FREM1: variants seen among roughly 807,000 people sequenced by gnomAD.
FREM1 encodes FRAS1-related extracellular matrix protein 1.
In FREM1, 220 loss-of-function variants were observed where a neutral mutation model predicts 210.1. That is an observed-to-expected ratio of 1.05 (90% CI 0.94 to 1.17). The LOEUF (loss-of-function observed/expected upper bound fraction) is 1.17, where lower values mean the gene tolerates loss of function less well. Among genes scored for constraint, FREM1 ranks in the 50% most tolerant of loss-of-function variants. The pLI is 0.00. For missense variants in FREM1, 3,454 were observed against 2,675.5 expected (o/e 1.29, Z -6.42); for synonymous variants, 1,189 against 980.2 (o/e 1.21, Z -3.98).
chr9:14,769,784 TTTACTTCCA>T lies in FREM1; in HGVS notation c.5135_5143del (p.Leu1712_Asn1715delinsTyr). ...GATTTGAAATTCCACGGTATCTGAA[TTTACTTCCA>T]AAGATGGGTTTATGATGTAAAGAAT... is the stretch of plus-strand genomic sequence containing the variant. On this transcript the variant is annotated inframe_deletion, in exon 27 of 37. Coordinates refer to ENST00000380880, the MANE Select transcript of FREM1 (RefSeq NM_001379081.2). 2 of 1,611,332 alleles carry T rather than the reference TTTACTTCCA, an allele frequency of 1.2e-6. No homozygotes were observed. The highest frequency in any genetic ancestry group is 2.2e-5 in the South Asian group (2 of 90,938).
chr9:14,805,167 G>C lies in FREM1; in HGVS notation c.3275-15C>G, dbSNP rs551654111. 2.7e-6 allele frequency: 4 copies of C among 1,460,052 alleles called. No individual in the cohort carries two copies. The highest frequency in any genetic ancestry group is 3.6e-6 in the Non-Finnish European group (4 of 1,098,692). 90.4% of individuals were successfully genotyped at this position (1,460,052 alleles called of 1,614,324 possible). ...CTGAAATGAATCTAGAGCACACCAA[G>C]ATGGAACAGATAAATAAAAAAAAAA... On this transcript the variant is annotated splice_polypyrimidine_tract_variant and intron_variant, in intron 18 of 36. Coordinates refer to ENST00000380880, the MANE Select transcript of FREM1 (RefSeq NM_001379081.2).
intron 27 of FREM1, among the ~76,000 whole-genome samples, chr9:14,760,509 A>G (rs1845296461): frequency 6.6e-6 from 1 of 152,340 alleles, no homozygotes; most frequent in Non-Finnish European, 1.5e-5. Context: ...ATATAACTAA[A>G]TAAACCTGAG....
intron 21 of FREM1, among the ~76,000 whole-genome samples, chr9:14,793,418 G>A (rs1297785047): frequency 2.0e-5 from 3 of 152,188 alleles, no homozygotes; most frequent in Non-Finnish European, 4.4e-5. Context: ...GGTAGTATGT[G>A]TTCTTGTTGT....
rs1564101808 is a variant in FREM1 at position 14,860,800 on chromosome 9, C to CATATACACATATATACGT, written c.330-1317_330-1316insACGTATATATGTGTATAT. Among the ~76,000 whole-genome samples, 32 of 77,136 alleles carry CATATACACATATATACGT rather than the reference C, an allele frequency of 4.1e-4. 1 individual carries two copies. The highest frequency in any genetic ancestry group is 1.6e-3 in the African/African-American group (30 of 18,822). 50.6% of individuals were successfully genotyped at this position (77,136 alleles called of 152,430 possible). A position where few individuals can be genotyped will look rare whatever the true frequency, so the allele number is the denominator to read the frequency against. ...ATATATACATATATACATATATACA[C>CATATACACATATATACGT]ATATATACATATATACACATATATA... On this transcript the variant is annotated intron_variant, in intron 3 of 36. Transcript: ENST00000380880.
In FREM1 at chr9:14,851,365, T is replaced by A; in HGVS notation, c.1071A>T (p.Ser357=). The change falls in exon 6 of 37, where the codon TCA becomes TCT. Residue 357 remains serine, a synonymous_variant. Coordinates refer to ENST00000380880, the MANE Select transcript of FREM1 (RefSeq NM_001379081.2). The part of the protein sequence containing the change: ...HLLDHTRPIS[S]FTWKDLSDMQ... ...TGTCACTGAGATCTTTCCAGGTGAATGAGGAGATTGGTCTGGTGTGATCCA... is the reference window on the plus strand; with the variant it reads ...TGTCACTGAGATCTTTCCAGGTGAAAGAGGAGATTGGTCTGGTGTGATCCA... 6.2e-7 allele frequency: 1 copy of A among 1,613,704 alleles called. No individual in the cohort carries two copies.
intron 1 of FREM1, among the ~76,000 whole-genome samples, chr9:14,871,601 G>T (rs970063990): frequency 1.3e-5 from 2 of 152,060 alleles, no homozygotes; most frequent in South Asian, 4.2e-4. Context: ...CCATTGTATA[G>T]GTTGCCTGTT....
intron 5 of FREM1, 110 bp downstream of exon 5, chr9:14,857,443 C>G: frequency 1.0e-6 from 1 of 970,192 alleles, no homozygotes; most frequent in Non-Finnish European, 1.7e-6. Flanking sequence ...AGTTTTACCC[C>G]CAAAAGCACA....
rs1471124359 is a variant in FREM1, at chr9:14,871,411, G to A, written c.-267-2167C>T. On this transcript the variant is annotated intron_variant, in intron 1 of 36. Transcript: ENST00000380880. ...TGCATTTCTCCGATGGCCAGTGATGGTGAGCATTTTTTCATGTGTTATTTG... is the reference window on the plus strand; with the variant it reads ...TGCATTTCTCCGATGGCCAGTGATGATGAGCATTTTTTCATGTGTTATTTG... 3.9e-5 allele frequency among the ~76,000 whole-genome samples: 6 copies of A among 152,116 alleles called. No individual in the cohort carries two copies. In the South Asian group the frequency reaches 1.2e-3, roughly 32 times the overall value.
At chr9:14,743,369 T>C (rs1224193972) in intron 35 of FREM1, among the ~76,000 whole-genome samples, 3 of 152,070 alleles carry the variant, frequency 2.0e-5, no homozygotes, top group Admixed American at 2.0e-4. Flanking sequence ...GATGGGAGAC[T>C]GATGTAGGTT....
intron 10 of FREM1, among the ~76,000 whole-genome samples, chr9:14,838,067 C>T (rs1483906560): frequency 6.6e-6 from 1 of 152,160 alleles, no homozygotes; most frequent in Non-Finnish European, 1.5e-5. Context: ...GGTGGCTGAG[C>T]TGAAGTTCTA....
At chr9:14,790,843 G>A (rs2291681) in intron 22 of FREM1, 2 of 151,828 alleles carry the variant, frequency 1.3e-5, no homozygotes, top group Non-Finnish European at 2.9e-5. Context: ...ATCCAAAACA[G>A]TTCCGTTCCC....
At chr9:14,859,958 T>C (rs142234901) in intron 3 of FREM1, among the ~76,000 whole-genome samples, 3 of 152,284 alleles carry the variant, frequency 2.0e-5, no homozygotes, top group Admixed American at 6.5e-5. Flanking sequence ...GTGCTTGGCA[T>C]GTAAAAAGCA....
In FREM1 at chr9:14,770,711, G is replaced by A. The variant is rs778501307; in HGVS notation, c.4953C>T (p.Ile1651=). The change falls in exon 26 of 37, where the codon ATC becomes ATT. Residue 1651 remains isoleucine (I), a synonymous_variant. Transcript: ENST00000380880. Reference sequence around the variant, plus strand: ...CTGATGCCTTCAACACGCGGGAAGTGATGTAAATCCCGTAGCAGCCATTTT... The same window carrying A: ...CTGATGCCTTCAACACGCGGGAAGTAATGTAAATCCCGTAGCAGCCATTTT... ...LLKNGCYGIY[I]TSRVLKASDP... The A allele has an allele frequency of 2.5e-5, 40 of 1,613,122 alleles. No individual in the cohort carries two copies. In the East Asian group the frequency reaches 8.9e-4, roughly 36 times the overall value.
In FREM1 at chr9:14,910,330, G is replaced by A. The variant is rs973680731; in HGVS notation, c.-684C>T. On this transcript the variant is annotated 5_prime_UTR_variant, in exon 1 of 37. Transcript: ENST00000380880. The stretch of plus-strand genomic sequence containing the variant: ...CACCGCTAGCCCCGTGCCTTCTGCT[G>A]GTTGGGTCCGCAGGGACAAAACTGA... The A allele has an allele frequency of 2.0e-5, 3 of 152,296 alleles. No individual in the cohort carries two copies. The highest frequency in any genetic ancestry group is 1.3e-4 in the Admixed American group (2 of 15,286). The allele number at this position is 152,296 out of a possible 1,614,324, so 9.4% of individuals were successfully genotyped here. A position where few individuals can be genotyped will look rare whatever the true frequency, so the allele number is the denominator to read the frequency against.
At chr9:14,786,437 A>T (rs1384500587) in intron 23 of FREM1, among the ~76,000 whole-genome samples, 1 of 152,236 alleles carries the variant, frequency 6.6e-6, no homozygotes, top group African/African-American at 2.4e-5. Flanking sequence ...AAAGATATTC[A>T]GCCTCATGAA....
In FREM1 at chr9:14,756,853, G is replaced by A. The variant is rs569537756; in HGVS notation, c.5335-407C>T. 2.0e-5 allele frequency among the ~76,000 whole-genome samples: 3 copies of A among 152,280 alleles called. No homozygotes were observed. The South Asian group carries it at 6.2e-4, about 32-fold the overall frequency. Reference sequence around the variant, plus strand: ...AAATTGATGAGGAGAAGAAAAAGCAGGTACCCCTGACAACCCATGTGATGA... The same window carrying A: ...AAATTGATGAGGAGAAGAAAAAGCAAGTACCCCTGACAACCCATGTGATGA... On this transcript the variant is annotated intron_variant, in intron 28 of 36. Coordinates refer to ENST00000380880, the MANE Select transcript of FREM1 (RefSeq NM_001379081.2).
rs146804250 is a variant in FREM1, at chr9:14,887,263, A to G, written c.-267-18019T>C. On this transcript the variant is annotated intron_variant, in intron 1 of 36. Coordinates refer to ENST00000380880, the MANE Select transcript of FREM1 (RefSeq NM_001379081.2). ...GAGCCATGGCACCTACTGACCTTAC[A>G]ACTCCCTGAGGTTATATAGGCAATA... Among the ~76,000 whole-genome samples the G allele has an allele frequency of 1.7e-3, 261 of 152,272 alleles. 1 individual carries two copies. Among genetic ancestry groups the G allele is most frequent in the African/African-American group, 5.9e-3 (246 of 41,548 alleles).
chr9:14,738,598 G>A (rs925084974), intron 36 of FREM1, among the ~76,000 whole-genome samples: 2 of 66,320 alleles, frequency 3.0e-5, no homozygotes, highest in Non-Finnish European at 6.1e-5. Flanking sequence ...TGCAGAAATA[G>A]TGAAAGCCAA....
In FREM1 at chr9:14,842,489, G is replaced by A. The variant is rs377215290; in HGVS notation, c.1565C>T (p.Pro522Leu). 2.6e-5 allele frequency: 42 copies of A among 1,613,900 alleles called. No homozygotes were observed. Among genetic ancestry groups the A allele is most frequent in the Admixed American group, 6.7e-5 (4 of 60,004 alleles). The stretch of plus-strand genomic sequence containing the variant: ...AATCACAACATTGGTTATGAGGAAC[G>A]GGGGACTATCATCTTTGGGCAAGAC... ...INVLPKDDSP[P>L]FLITNVVIEL... The change falls in exon 9 of 37, where the codon CCG (proline) becomes CTG (leucine). Residue 522 changes from proline (P) to leucine (L), a missense_variant. Transcript: ENST00000380880.
Sources: gnomAD v4.1 joint callset for allele counts (sites outside exome capture counted in the v4.1 genomes callset) on GRCh38, gnomAD v4.1.1 for gene constraint, MANE v1.5 for transcripts, NCBI Gene and HGNC (gene_info 2026-07-23, HGNC 2026-07-21) for gene names.